The following HGF variants were observed in gnomAD, a reference collection of about 807,000 sequenced individuals.
The protein encoded by HGF is fibroblast-derived tumor cytotoxic factor.
HGF carries 39 observed loss-of-function variants against 111.6 expected under a neutral mutation model. The observed-to-expected ratio is 0.35, with a 90% confidence interval of 0.27 to 0.46. The LOEUF (loss-of-function observed/expected upper bound fraction) is 0.46. HGF is among the 20% of genes least tolerant of loss of function. HGF has a pLI of 1.00. For synonymous variants in HGF, 285 were observed against 294.8 expected (o/e 0.97, Z 0.34); for missense variants, 735 against 910.5 (o/e 0.81, Z 2.48).
At chr7:81,764,824 A>C (rs1404886926) in intron 1 of HGF, among the ~76,000 whole-genome samples, 2 of 152,020 alleles carry the variant, frequency 1.3e-5, no homozygotes, top group African/African-American at 4.8e-5. Context: ...AATAGGAGAT[A>C]AGTTTTTCCA....
intron 7 of HGF, among the ~76,000 whole-genome samples, chr7:81,735,929 T>G (rs926281520): frequency 1.8e-4 from 28 of 152,054 alleles, no homozygotes; most frequent in Admixed American, 2.0e-4. Flanking sequence ...CCTCCGATCC[T>G]ACCAGATTAA....
At chr7:81,707,245 A>G (rs2115777798) in intron 14 of HGF, 45 bp downstream of exon 14, 1 of 1,037,886 alleles carries the variant, frequency 9.6e-7, no homozygotes, top group Non-Finnish European at 1.5e-6. Context: ...GAAGACATAC[A>G]CATTTTAAAG....
intron 7 of HGF, among the ~76,000 whole-genome samples, chr7:81,734,552 A>G (rs76714262): frequency 0.01 from 1,571 of 152,200 alleles, 31 homozygotes; most frequent in African/African-American, 0.036. Flanking sequence ...TTTTGAGACA[A>G]AGAGTATTCA....
intron 11 of HGF, among the ~76,000 whole-genome samples, chr7:81,715,990 A>G (rs1346880230): frequency 6.6e-6 from 1 of 152,214 alleles, no homozygotes; most frequent in Non-Finnish European, 1.5e-5. Context: ...ATAGAGTTAC[A>G]GATACATAGT....
intron 1 of HGF, among the ~76,000 whole-genome samples, chr7:81,766,334 G>C (rs1338060271): frequency 6.6e-6 from 1 of 152,196 alleles, no homozygotes; most frequent in Non-Finnish European, 1.5e-5. Context: ...CACATGATTA[G>C]TGATGAAGAG....
chr7:81,726,112 GT>G, intron 8 of HGF, 95 bp from the exon 9 acceptor site: 1 of 1,244,986 alleles, frequency 8.0e-7, no homozygotes, highest in Non-Finnish European at 1.2e-6. Context: ...ATGTATGCAT[GT>G]TTATAAATAG....
Position 81,751,151 on chromosome 7 carries a change from A to G in HGF, c.625+969T>C, listed in dbSNP as rs10238283. ...AATATTAAATGAATATTTATGGAGG[A>G]AATATTTTTAAAAATATTTGGTTAA... On this transcript the variant is annotated intron_variant, in intron 5 of 17. Transcript: ENST00000222390. The G allele has an allele frequency of 3.8e-4, 347 of 904,372 alleles. 2 individuals are homozygous for G. The African/African-American group carries it at 5.3e-3, about 14-fold the overall frequency. The allele number at this position is 904,372 out of a possible 1,614,324, so 56.0% of individuals were successfully genotyped here. A position where few individuals can be genotyped will look rare whatever the true frequency, so the allele number is the denominator to read the frequency against.
At position 81,735,207 on chromosome 7, in the gene HGF, T is replaced by C. The variant is rs528900718; in HGVS notation, c.866-5428A>G. Among the ~76,000 whole-genome samples the C allele has an allele frequency of 4.6e-5, 7 of 152,244 alleles. No individual in the cohort carries two copies. The East Asian group carries it at 1.4e-3, about 29-fold the overall frequency. ...TCCAAAATATGAACCTCAAATTGCT[T>C]GCATGTTTGCTTTCCATGTGAAGCC... On this transcript the variant is annotated intron_variant, in intron 7 of 17. Coordinates refer to ENST00000222390, the MANE Select transcript of HGF (RefSeq NM_000601.6).
At chr7:81,714,435 G>C (rs1789658284) in intron 11 of HGF, among the ~76,000 whole-genome samples, 1 of 152,010 alleles carries the variant, frequency 6.6e-6, no homozygotes, top group Non-Finnish European at 1.5e-5. Flanking sequence ...CATATAATAG[G>C]TACTTTTATT....
intron 11 of HGF, among the ~76,000 whole-genome samples, chr7:81,714,462 A>G (rs1224248916): frequency 1.3e-5 from 2 of 152,190 alleles, no homozygotes; most frequent in Non-Finnish European, 2.9e-5. Context: ...TATTGCAAAT[A>G]CAAATATGAG....
At chr7:81,710,845 C>T (rs1789554002) in intron 12 of HGF, among the ~76,000 whole-genome samples, 1 of 152,200 alleles carries the variant, frequency 6.6e-6, no homozygotes, top group South Asian at 2.1e-4. Context: ...TCGCCTTATC[C>T]CCTCTACTTC....
chr7:81,708,870 A>T (rs1341956518), intron 13 of HGF, among the ~76,000 whole-genome samples: 4 of 152,032 alleles, frequency 2.6e-5, no homozygotes, highest in Non-Finnish European at 5.9e-5. Flanking sequence ...TTTTAGTACT[A>T]CACACCTAGG....
At chr7:81,737,544 G>A (rs1787872785) in intron 7 of HGF, among the ~76,000 whole-genome samples, 1 of 152,110 alleles carries the variant, frequency 6.6e-6, no homozygotes, top group South Asian at 2.1e-4. Flanking sequence ...TTTACACCAT[G>A]AAACTTTCAG....
rs1486139808 is a variant in HGF at position 81,758,821 on chromosome 7, A to C, written c.255-17T>G. The C allele has an allele frequency of 1.3e-6, 2 of 1,509,470 alleles. No individual in the cohort carries two copies. Among genetic ancestry groups the C allele is most frequent in the Admixed American group, 3.3e-5 (2 of 59,874 alleles). 93.5% of individuals were successfully genotyped at this position (1,509,470 alleles called of 1,614,324 possible). On this transcript the variant is annotated splice_polypyrimidine_tract_variant and intron_variant, in intron 2 of 17. Coordinates refer to ENST00000222390, the MANE Select transcript of HGF (RefSeq NM_000601.6). ...ACAAAAGCCCTGAAAAAAATATCAG[A>C]ATGAAAAGAAGAAATACTACTATTT...
chr7:81,767,443 G>T (rs1256162320), intron 1 of HGF, among the ~76,000 whole-genome samples: 2 of 152,134 alleles, frequency 1.3e-5, no homozygotes, highest in East Asian at 1.9e-4. Context: ...AATTAAGTGA[G>T]ATGTACTTTA....
chr7:81,743,618 T>C, intron 6 of HGF, 147 bp from the exon 7 acceptor site: 1 of 724,166 alleles, frequency 1.4e-6, no homozygotes, highest in Middle Eastern at 2.3e-4. Context: ...CGAGGACTGC[T>C]GATCACTGAC....
chr7:81,741,784 C>G (rs771190152), intron 7 of HGF, among the ~76,000 whole-genome samples: 2 of 151,438 alleles, frequency 1.3e-5, no homozygotes, highest in Non-Finnish European at 2.9e-5. Context: ...ACTAAAAATA[C>G]AAAATTAGCT....
chr7:81,734,384 A>G (rs1207689295), intron 7 of HGF, among the ~76,000 whole-genome samples: 1 of 152,110 alleles, frequency 6.6e-6, no homozygotes, highest in Non-Finnish European at 1.5e-5. Flanking sequence ...CTTTAAGTAA[A>G]ACAACATTTG....
At chr7:81,727,938 T>A (rs1490700038) in intron 8 of HGF, among the ~76,000 whole-genome samples, 1 of 152,208 alleles carries the variant, frequency 6.6e-6, no homozygotes, top group African/African-American at 2.4e-5. Context: ...GAAAGGATGG[T>A]TTACAATTAC....
Sources: allele counts gnomAD v4.1 joint callset (sites outside exome capture counted in the v4.1 genomes callset), GRCh38; gene constraint gnomAD v4.1.1; transcripts MANE v1.5; gene names NCBI Gene and HGNC (gene_info 2026-07-23, HGNC 2026-07-21).